Variants in PLD5 observed in about 807,000 individuals in gnomAD.
PLD5 encodes the protein inactive phospholipase D5.
Under a neutral mutation model 61.1 loss-of-function variants are expected in PLD5, and 36 were observed. That is an observed-to-expected ratio of 0.59 (90% CI 0.45 to 0.78). The LOEUF (loss-of-function observed/expected upper bound fraction) is 0.78, where lower values mean the gene tolerates loss of function less well. Among genes scored for constraint, PLD5 ranks in the 30% least tolerant of loss-of-function variants. The probability of loss-of-function intolerance (pLI) is 0.00; values close to 1 mark genes in which losing one functional copy is unlikely to be tolerated. For synonymous variants in PLD5, 243 were observed against 242.8 expected, an observed-to-expected ratio of 1.00 and a Z score of -0.01; for missense variants, 515 against 644.4, an observed-to-expected ratio of 0.80 and a Z score of 2.17.
chr1:242,501,414 A>G (rs1455469554), intron 1 of PLD5, among the ~76,000 whole-genome samples: 1 of 152,188 alleles, frequency 6.6e-6, no homozygotes, highest in Non-Finnish European at 1.5e-5. Context: ...AATCATAATC[A>G]TTCATATTAT....
chr1:242,469,057 G>A (rs1572202100), intron 1 of PLD5, among the ~76,000 whole-genome samples: 2 of 152,200 alleles, frequency 1.3e-5, no homozygotes, highest in South Asian at 4.1e-4. Flanking sequence ...CTGATTAGCT[G>A]CAAACTGCTT....
At chr1:242,343,939 T>C (rs1659985542) in intron 2 of PLD5, among the ~76,000 whole-genome samples, 1 of 151,980 alleles carries the variant, frequency 6.6e-6, no homozygotes, top group Non-Finnish European at 1.5e-5. Flanking sequence ...AAATGGACAA[T>C]GGCCAAATCA....
At chr1:242,504,682 G>A (rs6681375) in intron 1 of PLD5, among the ~76,000 whole-genome samples, 5,394 of 151,862 alleles carry the variant, frequency 0.036, 336 homozygotes, top group African/African-American at 0.12. Flanking sequence ...CTCCACTTCA[G>A]CAACTTGTTT....
intron 5 of PLD5, among the ~76,000 whole-genome samples, chr1:242,140,011 T>C (rs1485676108): frequency 1.3e-5 from 2 of 152,188 alleles, no homozygotes; most frequent in Non-Finnish European, 1.5e-5. Context: ...CCTGGGTCTT[T>C]TCTCGCCTTC....
At chr1:242,169,328 G>C (rs534040965) in intron 5 of PLD5, among the ~76,000 whole-genome samples, 3 of 152,284 alleles carry the variant, frequency 2.0e-5, no homozygotes, top group South Asian at 4.1e-4. Context: ...CACCTGGGAA[G>C]TGCAAGGGGT....
chr1:242,464,235 C>T (rs1667208186), intron 1 of PLD5, among the ~76,000 whole-genome samples: 1 of 152,100 alleles, frequency 6.6e-6, no homozygotes, highest in African/African-American at 2.4e-5. Flanking sequence ...CCTTTATTGT[C>T]CCCTAGTCCC....
chr1:242,358,137 A>T (rs866265184), intron 1 of PLD5, among the ~76,000 whole-genome samples: 1 of 152,076 alleles, frequency 6.6e-6, no homozygotes, highest in Middle Eastern at 3.4e-3. Flanking sequence ...TTGTTCATGT[A>T]ATGTTTTACA....
chr1:242,486,229 C>T (rs1301539924), intron 1 of PLD5, among the ~76,000 whole-genome samples: 1 of 152,092 alleles, frequency 6.6e-6, no homozygotes, highest in Admixed American at 6.5e-5. Context: ...TCTAATTAAA[C>T]TAAAGAGCTT....
At chr1:242,241,702 G>A (rs1209028051) in intron 4 of PLD5, among the ~76,000 whole-genome samples, 1 of 151,530 alleles carries the variant, frequency 6.6e-6, no homozygotes, top group African/African-American at 2.4e-5. Flanking sequence ...AGGTTGGTGA[G>A]GTACAGGCTT....
intron 5 of PLD5, among the ~76,000 whole-genome samples, chr1:242,166,685 T>C (rs941287779): frequency 1.3e-5 from 2 of 152,228 alleles, no homozygotes; most frequent in Admixed American, 1.3e-4. Flanking sequence ...TCACTAATAG[T>C]TATGGAACCT....
chr1:242,094,556 AT>A (rs11436471), intron 9 of PLD5, among the ~76,000 whole-genome samples: 17 of 151,718 alleles, frequency 1.1e-4, no homozygotes, highest in African/African-American at 3.9e-4. Context: ...TTATTGATGG[AT>A]TTTTTTTTCT....
At chr1:242,504,966 G>A (rs575024290) in intron 1 of PLD5, among the ~76,000 whole-genome samples, 3 of 152,036 alleles carry the variant, frequency 2.0e-5, no homozygotes, top group Admixed American at 2.0e-4. Context: ...GACCAGCCTG[G>A]ACAACACAAT....
At chr1:242,111,079 G>A (rs572701684) in intron 7 of PLD5, among the ~76,000 whole-genome samples, 1 of 146,612 alleles carries the variant, frequency 6.8e-6, no homozygotes, top group African/African-American at 2.5e-5. Context: ...TTTTTTAAAC[G>A]GAGTTTCACT....
At chr1:242,441,518 A>G (rs2810033) in intron 1 of PLD5, among the ~76,000 whole-genome samples, 65,136 of 152,046 alleles carry the variant, frequency 0.43, 14,146 homozygotes, top group Admixed American at 0.49. Flanking sequence ...TACTAAGCTT[A>G]TCTTAGTTTC....
rs182652777 is a variant in PLD5, at chr1:242,288,164, A to C, written c.495+198T>G. On this transcript the variant is annotated intron_variant, in intron 3 of 9. Coordinates refer to ENST00000536534, the MANE Select transcript of PLD5 (RefSeq NM_001372062.1). ...GATGAAACATAATTTTGTCCTTGCA[A>C]ACCTGGCATTCTAGTAGGAGCTGAG... Among the ~76,000 whole-genome samples the C allele has an allele frequency of 8.7e-3, 1,327 of 152,344 alleles. 27 individuals are homozygous for C. Among genetic ancestry groups the C allele is most frequent in the African/African-American group, 0.03 (1,267 of 41,574 alleles).
Position 242,444,685 on chromosome 1 carries a change from T to TTTATA in PLD5, c.189+79398_189+79402dup, listed in dbSNP as rs1558572349. Among the ~76,000 whole-genome samples, 121 of 64,212 alleles carry TTTATA rather than the reference T, an allele frequency of 1.9e-3. 1 individual carries two copies. Among genetic ancestry groups the TTTATA allele is most frequent in the African/African-American group, 3.8e-3 (64 of 16,874 alleles). 42.1% of individuals were successfully genotyped at this position (64,212 alleles called of 152,430 possible). A position where few individuals can be genotyped will look rare whatever the true frequency, so the allele number is the denominator to read the frequency against. ...AATTATACTATACATAATATAAATA[T>TTTATA]TTATATTATATAAATATTATATTAT... On this transcript the variant is annotated intron_variant, in intron 1 of 9. Coordinates refer to ENST00000536534, the MANE Select transcript of PLD5 (RefSeq NM_001372062.1).
At chr1:242,207,991 T>TACACACACACAC (rs34110062) in intron 5 of PLD5, among the ~76,000 whole-genome samples, 2,476 of 40,250 alleles carry the variant, frequency 0.062, 405 homozygotes, top group South Asian at 0.14. Flanking sequence ...TATATATTTA[T>TACACACACACAC]ACACACACAC....
chr1:242,267,545 C>T (rs1020532729), intron 3 of PLD5, among the ~76,000 whole-genome samples: 1 of 152,124 alleles, frequency 6.6e-6, no homozygotes, highest in African/African-American at 2.4e-5. Context: ...ACCAGGTATT[C>T]TGGTATGGTA....
intron 2 of PLD5, 52 bp downstream of exon 2, chr1:242,348,054 T>C (rs1660239835): frequency 1.3e-6 from 2 of 1,595,296 alleles, no homozygotes; most frequent in East Asian, 4.5e-5. Flanking sequence ...AAGGCCCTCT[T>C]TGGATTTCTT....
Sources: gnomAD v4.1 joint callset for allele counts (sites outside exome capture counted in the v4.1 genomes callset) on GRCh38, gnomAD v4.1.1 for gene constraint, MANE v1.5 for transcripts, NCBI Gene and HGNC (gene_info 2026-07-23, HGNC 2026-07-21) for gene names.